ATP2C2: variants seen among roughly 807,000 people sequenced by gnomAD.
ATP2C2 encodes calcium-transporting ATPase type 2C member 2.
ATP2C2 carries 171 observed loss-of-function variants against 110.8 expected under a neutral mutation model. The observed-to-expected ratio is 1.54, with a 90% CI of 1.36 to 1.75. ATP2C2 has a LOEUF of 1.75. Among genes scored for constraint, ATP2C2 ranks in the 40% most tolerant of loss-of-function variants. The pLI, the probability that ATP2C2 is intolerant of heterozygous loss-of-function variation, is 0.00. For missense variants in ATP2C2, 1,963 were observed against 1,235.0 expected, an observed-to-expected ratio of 1.59 and a Z score of -8.84; for synonymous variants, 804 against 508.4, an observed-to-expected ratio of 1.58 and a Z score of -7.82.
In ATP2C2 at chr16:84,459,284, T is replaced by C. The variant is rs962244893; in HGVS notation, c.2231T>C (p.Leu744Pro). The change falls in exon 23 of 27, where the codon CTG (leucine) becomes CCG (proline). Residue 744 changes from leucine (L) to proline (P), a missense_variant. Leu to Pro is a moderately conservative substitution (Grantham distance 98). Transcript: ENST00000262429. ...RFQLSTSISALSLITLSTVFN... is the reference protein window; with the variant it reads ...RFQLSTSISAPSLITLSTVFN... ...GTGCCCCGCAGGAGCATCTCCGCCC[T>C]GAGTCTCATCACTCTGTCCACCGTG... The C allele has an allele frequency of 6.2e-7, 1 of 1,614,028 alleles. No individual in the cohort carries two copies.
chr16:84,372,331 A>G (rs148296705), intron 1 of ATP2C2, among the ~76,000 whole-genome samples: 4 of 152,342 alleles, frequency 2.6e-5, no homozygotes, highest in Non-Finnish European at 5.9e-5. Flanking sequence ...AGGCTCATGC[A>G]CACACAACTT....
intron 3 of ATP2C2, among the ~76,000 whole-genome samples, chr16:84,405,758 A>G (rs909789148): frequency 1.3e-5 from 2 of 152,170 alleles, no homozygotes; most frequent in Non-Finnish European, 2.9e-5. Flanking sequence ...CGTCTCTTCT[A>G]AAAATATAAA....
chr16:84,399,159 C>A (rs955040393), intron 2 of ATP2C2, among the ~76,000 whole-genome samples: 3 of 152,152 alleles, frequency 2.0e-5, no homozygotes, highest in Non-Finnish European at 4.4e-5. Flanking sequence ...TGCACACGTG[C>A]GTGCACGTGC....
At position 84,448,653 on chromosome 16, in the gene ATP2C2, C is replaced by G. The variant is rs199784283; in HGVS notation, c.1624C>G (p.Gln542Glu). The G allele has an allele frequency of 1.9e-5, 30 of 1,613,766 alleles. No individual in the cohort carries two copies. The highest frequency in any genetic ancestry group is 2.4e-5 in the Non-Finnish European group (28 of 1,179,878). The change falls in exon 17 of 27, where the codon CAG becomes GAG. Residue 542 changes from glutamine to glutamate, a missense_variant. Gln to Glu is a conservative substitution (Grantham distance 29). Transcript: ENST00000262429. The part of the protein sequence containing the change: ...LTPQQRSFCL[Q>E]EEKRMGSLGL... ...GCCCCAGCAGAGGTCATTCTGCCTG[C>G]AGGAAGAGAAGAGGATGGGGTCGCT...
chr16:84,462,213 G>C, intron 26 of ATP2C2, 84 bp downstream of exon 26: 1 of 1,541,116 alleles, frequency 6.5e-7, no homozygotes, highest in Non-Finnish European at 8.8e-7. Flanking sequence ...CTGCAGCCCA[G>C]GAGGGGTCAG....
chr16:84,425,654 T>G, intron 10 of ATP2C2, 81 bp from the exon 11 acceptor site: 2 of 1,492,008 alleles, frequency 1.3e-6, no homozygotes, highest in Non-Finnish European at 1.9e-6. Context: ...GTAAACTCTT[T>G]AAGGAAGTGA....
At chr16:84,411,423 A>G (rs1333877937) in intron 6 of ATP2C2, among the ~76,000 whole-genome samples, 1 of 152,184 alleles carries the variant, frequency 6.6e-6, no homozygotes, top group African/African-American at 2.4e-5. Flanking sequence ...TGCCCTGTCC[A>G]ATATGGCATC....
chr16:84,387,977 C>G (rs148529346), intron 1 of ATP2C2, among the ~76,000 whole-genome samples: 2 of 151,308 alleles, frequency 1.3e-5, no homozygotes, highest in African/African-American at 4.9e-5. Flanking sequence ...CCCTGATGGC[C>G]TCACTCATCT....
intron 2 of ATP2C2, chr16:84,404,756 A>C (rs971142352): frequency 5.7e-6 from 2 of 352,692 alleles, no homozygotes; most frequent in Non-Finnish European, 1.1e-5. Context: ...TAATTTTTTG[A>C]GGAATCGCCA....
At chr16:84,437,442 C>G (rs772523654) in intron 11 of ATP2C2, among the ~76,000 whole-genome samples, 8 of 152,056 alleles carry the variant, frequency 5.3e-5, no homozygotes, top group African/African-American at 1.2e-4. Context: ...AACTCTTGAG[C>G]TCAAATGATC....
chr16:84,462,181 G>T (rs1380101576), intron 26 of ATP2C2, 52 bp downstream of exon 26: 1 of 1,577,942 alleles, frequency 6.3e-7, no homozygotes, highest in Non-Finnish European at 8.6e-7. Context: ...GCCATGGGGG[G>T]CGGCAGCTGC....
chr16:84,446,818 A>C (rs1398794020), intron 16 of ATP2C2, among the ~76,000 whole-genome samples: 1 of 152,158 alleles, frequency 6.6e-6, no homozygotes, highest in Non-Finnish European at 1.5e-5. Context: ...TAATCCAGTG[A>C]CTGAGGCCCT....
chr16:84,452,084 G>C lies in ATP2C2; in HGVS notation c.1824G>C (p.Leu608Phe), dbSNP rs1910334012. The change falls in exon 18 of 27, where the codon TTG becomes TTC. Residue 608 changes from leucine to phenylalanine, a missense_variant. Transcript: ENST00000262429. ...MITGDALETA[L>F]AIGRNIGLCN... ...CGGGGGATGCCCTGGAGACGGCCTT[G>C]GCCATAGGTAACTGGGACAGGGTCG... 6.2e-7 allele frequency: 1 copy of C among 1,613,944 alleles called. No homozygotes were observed. The highest frequency in any genetic ancestry group is 1.3e-5 in the African/African-American group (1 of 74,892).
chr16:84,446,984 G>A (rs988194867), intron 16 of ATP2C2, among the ~76,000 whole-genome samples: 4 of 152,214 alleles, frequency 2.6e-5, no homozygotes, highest in Non-Finnish European at 5.9e-5. Flanking sequence ...CACACGTGTT[G>A]TCCCTGGCTA....
chr16:84,395,351 A>G (rs1374586782), intron 1 of ATP2C2, among the ~76,000 whole-genome samples: 1 of 152,052 alleles, frequency 6.6e-6, no homozygotes, highest in East Asian at 1.9e-4. Flanking sequence ...CTCATTCCCC[A>G]GGGACATGTG....
intron 2 of ATP2C2, among the ~76,000 whole-genome samples, chr16:84,403,623 T>TGTACATTG (rs1410204423): frequency 2.0e-5 from 3 of 152,130 alleles, no homozygotes; most frequent in African/African-American, 7.2e-5. Context: ...CATTTTGAAG[T>TGTACATTG]GTACATTGTA....
intron 16 of ATP2C2, among the ~76,000 whole-genome samples, chr16:84,447,970 A>T (rs1443324968): frequency 1.3e-5 from 2 of 151,970 alleles, no homozygotes; most frequent in Non-Finnish European, 2.9e-5. Flanking sequence ...TATGTCCGGT[A>T]TTGAGGCTAG....
rs1567726792 is a variant in ATP2C2 at position 84,440,889 on chromosome 16, T to G, written c.1242T>G (p.Thr414=). The G allele has an allele frequency of 6.2e-7, 1 of 1,613,690 alleles. No homozygotes were observed. ...GAGTTGGGTATGACGGTCAAGGGAC[T>G]GTGTGTCTTCTACCATCCAAGGAAG... is the stretch of plus-strand genomic sequence containing the variant. ...VSGVGYDGQG[T]VCLLPSKEVI... The change falls in exon 14 of 27, where the codon ACT becomes ACG. Residue 414 remains threonine, a synonymous_variant. Coordinates refer to ENST00000262429, the MANE Select transcript of ATP2C2 (RefSeq NM_014861.4).
intron 1 of ATP2C2, among the ~76,000 whole-genome samples, chr16:84,390,791 C>T (rs1381463723): frequency 3.3e-5 from 5 of 152,080 alleles, no homozygotes; most frequent in Non-Finnish European, 7.4e-5. Flanking sequence ...TGGATTTCAT[C>T]TTATAAAAAG....
Sources: allele counts gnomAD v4.1 joint callset (sites outside exome capture counted in the v4.1 genomes callset), GRCh38; gene constraint gnomAD v4.1.1; transcripts MANE v1.5; gene names NCBI Gene and HGNC (gene_info 2026-07-23, HGNC 2026-07-21).